Variants in MAD1L1 observed in about 807,000 individuals in gnomAD.
MAD1L1 encodes mitotic arrest deficient 1 like 1.
MAD1L1 carries 95 observed loss-of-function variants against 96.9 expected under a neutral mutation model. The observed-to-expected ratio is 0.98, with a 90% CI of 0.83 to 1.16. The LOEUF is 1.16. Ranked by LOEUF, MAD1L1 falls within the 50% of genes most tolerant of loss-of-function variation. MAD1L1 has a pLI of 0.00. For missense variants in MAD1L1, 1,007 were observed against 954.4 expected (o/e 1.06, Z -0.73); for synonymous variants, 473 against 396.6 (o/e 1.19, Z -2.29).
At chr7:2,067,749 G>A (rs987031549) in intron 12 of MAD1L1, among the ~76,000 whole-genome samples, 1 of 152,262 alleles carries the variant, frequency 6.6e-6, no homozygotes, top group African/African-American at 2.4e-5. Context: ...CTCCGCCGTG[G>A]TTCTCCACAC....
chr7:2,115,456 C>T (rs1304336302), intron 11 of MAD1L1, among the ~76,000 whole-genome samples: 1 of 133,716 alleles, frequency 7.5e-6, no homozygotes, highest in Non-Finnish European at 1.6e-5. Flanking sequence ...CCGCGTGTTC[C>T]GGGGTCAGAG....
rs146863050 is a variant in MAD1L1 at position 2,192,277 on chromosome 7, C to T, written c.986+20935G>A. Among the ~76,000 whole-genome samples, 1,361 of 152,088 alleles carry T rather than the reference C, an allele frequency of 8.9e-3. 21 individuals are homozygous for T. Among genetic ancestry groups the T allele is most frequent in the African/African-American group, 0.031 (1,273 of 41,480 alleles). Reference sequence around the variant, plus strand: ...TCCCAAGTCATTGGGATTACAGGCACATGCCACCACGCCCAGCTAATTTTT... The same window carrying T: ...TCCCAAGTCATTGGGATTACAGGCATATGCCACCACGCCCAGCTAATTTTT... On this transcript the variant is annotated intron_variant, in intron 10 of 18. Transcript: ENST00000265854.
At chr7:2,231,089 C>T (rs756754891) in intron 1 of MAD1L1, among the ~76,000 whole-genome samples, 4 of 152,030 alleles carry the variant, frequency 2.6e-5, no homozygotes, top group Non-Finnish European at 5.9e-5. Flanking sequence ...GAGGCAGGTC[C>T]GGAGTTCAAG....
intron 14 of MAD1L1, among the ~76,000 whole-genome samples, chr7:1,989,608 G>C (rs540427008): frequency 2.0e-5 from 3 of 152,238 alleles, no homozygotes; most frequent in African/African-American, 7.2e-5. Context: ...GCCTGAGCGC[G>C]AGCACAGACG....
chr7:2,130,133 C>A (rs563474313), intron 11 of MAD1L1, among the ~76,000 whole-genome samples: 1 of 152,268 alleles, frequency 6.6e-6, no homozygotes, highest in Admixed American at 6.5e-5. Flanking sequence ...GAGGCAAATG[C>A]CCTCCTCTTG....
intron 10 of MAD1L1, among the ~76,000 whole-genome samples, chr7:2,192,491 T>TC (rs1458941150): frequency 6.6e-6 from 1 of 152,176 alleles, no homozygotes; most frequent in Non-Finnish European, 1.5e-5. Flanking sequence ...TGCATGCTCC[T>TC]CTTCCATCTT....
chr7:2,213,306 T>A (rs1441795007), intron 9 of MAD1L1, 33 bp from the exon 10 acceptor site: 2 of 1,596,770 alleles, frequency 1.3e-6, no homozygotes, highest in Non-Finnish European at 8.6e-7. Flanking sequence ...GACCCTGTCA[T>A]CACCTGCCAC....
At position 1,935,429 on chromosome 7, in the gene MAD1L1, A is replaced by G. The variant is rs537297529; in HGVS notation, c.1807+1258T>C. 3.3e-5 allele frequency among the ~76,000 whole-genome samples: 5 copies of G among 152,234 alleles called. 1 individual carries two copies. The highest frequency in any genetic ancestry group is 4.1e-4 in the South Asian group (2 of 4,824). ...CTGGCTTTTGTCCTCCAACCCCACCATACTACTCCAGGAGGGCACACCACC... is the reference window on the plus strand; with the variant it reads ...CTGGCTTTTGTCCTCCAACCCCACCGTACTACTCCAGGAGGGCACACCACC... On this transcript the variant is annotated intron_variant, in intron 17 of 18. Coordinates refer to ENST00000265854, the MANE Select transcript of MAD1L1 (RefSeq NM_001013836.2).
At chr7:2,051,854 G>A (rs1405141309) in intron 12 of MAD1L1, among the ~76,000 whole-genome samples, 2 of 151,110 alleles carry the variant, frequency 1.3e-5, no homozygotes, top group African/African-American at 4.9e-5. Context: ...GCTCCTCAGA[G>A]CCATGGACAA....
intron 11 of MAD1L1, among the ~76,000 whole-genome samples, chr7:2,092,188 A>G (rs544822856): frequency 3.4e-4 from 52 of 152,158 alleles, no homozygotes; most frequent in African/African-American, 1.2e-3. Context: ...CCATTCCCAC[A>G]GTGTGTGGCC....
At chr7:1,959,322 G>C (rs1234861336) in intron 15 of MAD1L1, among the ~76,000 whole-genome samples, 1 of 152,192 alleles carries the variant, frequency 6.6e-6, no homozygotes, top group Non-Finnish European at 1.5e-5. Context: ...TCACTGAGCT[G>C]TGGGACAGCT....
intron 18 of MAD1L1, among the ~76,000 whole-genome samples, chr7:1,892,676 T>C (rs1237033532): frequency 6.6e-6 from 1 of 152,214 alleles, no homozygotes; most frequent in South Asian, 2.1e-4. Flanking sequence ...CTCATCCATA[T>C]GACAAACCCG....
intron 10 of MAD1L1, among the ~76,000 whole-genome samples, chr7:2,187,982 C>G (rs1791539505): frequency 6.6e-6 from 1 of 152,204 alleles, no homozygotes; most frequent in South Asian, 2.1e-4. Context: ...CCACCACAAG[C>G]TTGATGGATT....
intron 17 of MAD1L1, among the ~76,000 whole-genome samples, chr7:1,906,929 C>T (rs945183009): frequency 2.6e-5 from 4 of 152,226 alleles, no homozygotes; most frequent in Non-Finnish European, 5.9e-5. Context: ...CCTGAACACC[C>T]GTGTTCATCC....
intron 11 of MAD1L1, among the ~76,000 whole-genome samples, chr7:2,115,981 G>A (rs1280912646): frequency 1.9e-5 from 2 of 103,010 alleles, no homozygotes; most frequent in African/African-American, 5.5e-5. Flanking sequence ...AGACGGTGGA[G>A]GGGGGATAAG....
At chr7:1,863,800 C>T (rs934160393) in intron 18 of MAD1L1, among the ~76,000 whole-genome samples, 3 of 152,114 alleles carry the variant, frequency 2.0e-5, no homozygotes, top group Non-Finnish European at 4.4e-5. Flanking sequence ...TAGAAAGCCC[C>T]GAGGAAGGCC....
At chr7:2,202,137 C>T (rs1310113913) in intron 10 of MAD1L1, 2 of 152,538 alleles carry the variant, frequency 1.3e-5, no homozygotes, top group African/African-American at 2.4e-5. Context: ...GTCCTCCACT[C>T]TTCAAAGGCT....
At chr7:1,997,010 G>A (rs574739960) in intron 14 of MAD1L1, among the ~76,000 whole-genome samples, 3 of 152,082 alleles carry the variant, frequency 2.0e-5, no homozygotes, top group Admixed American at 1.3e-4. Context: ...AGCTAATTAG[G>A]GGGGTTCGCT....
At chr7:2,047,975 CAT>C (rs565480448) in intron 12 of MAD1L1, among the ~76,000 whole-genome samples, 233 of 152,374 alleles carry the variant, frequency 1.5e-3, no homozygotes, top group African/African-American at 3.7e-3. Context: ...CACATGATCA[CAT>C]GTGCACACAG....
Sources: gnomAD v4.1 joint callset for allele counts (sites outside exome capture counted in the v4.1 genomes callset) on GRCh38, gnomAD v4.1.1 for gene constraint, MANE v1.5 for transcripts, NCBI Gene and HGNC (gene_info 2026-07-23, HGNC 2026-07-21) for gene names.